Variants in PTCD1 observed in about 807,000 individuals in gnomAD.
The protein encoded by PTCD1 is pentatricopeptide repeat-containing protein 1, mitochondrial.
In PTCD1, 50 loss-of-function variants were observed where a neutral mutation model predicts 53.4. The observed-to-expected ratio is 0.94, with a 90% CI of 0.75 to 1.19. PTCD1 has a LOEUF of 1.19. Among genes scored for constraint, PTCD1 ranks in the 50% most tolerant of loss-of-function variants. PTCD1 has a pLI of 0.00. For missense variants in PTCD1, 918 were observed against 904.8 expected (o/e 1.01, Z -0.19); for synonymous variants, 413 against 394.8 (o/e 1.05, Z -0.55).
At chr7:99,431,418 G>A (rs1288907209) in intron 3 of PTCD1, among the ~76,000 whole-genome samples, 4 of 151,260 alleles carry the variant, frequency 2.6e-5, no homozygotes, top group East Asian at 4.0e-4. Flanking sequence ...GTGAGCCACC[G>A]CACCTGGCCA....
In PTCD1 at chr7:99,419,729, T is replaced by G; in HGVS notation, c.*238A>C. 1.4e-6 allele frequency: 1 copy of G among 719,952 alleles called. No homozygotes were observed. The highest frequency in any genetic ancestry group is 2.2e-6 in the Non-Finnish European group (1 of 444,986). 44.6% of individuals were successfully genotyped at this position (719,952 alleles called of 1,614,324 possible). On this transcript the variant is annotated 3_prime_UTR_variant, in exon 8 of 8. Coordinates refer to ENST00000292478, the MANE Select transcript of PTCD1 (RefSeq NM_015545.4). The stretch of plus-strand genomic sequence containing the variant: ...TGGTGTGTGAGGTGACACACAAAGG[T>G]AGCTGGAGCTGGAAGTCCCGTGAAG...
intron 5 of PTCD1, among the ~76,000 whole-genome samples, chr7:99,428,029 T>G (rs969281014): frequency 2.8e-4 from 42 of 151,092 alleles, no homozygotes; most frequent in Non-Finnish European, 5.3e-4. Context: ...GTTTATCTGC[T>G]GACCTTCCCT....
chr7:99,417,532 G>C lies in PTCD1; in HGVS notation c.*2435C>G, dbSNP rs1236109408. ...ACTTGTGCTGCCTGCGGTGCATTCA[G>C]ACACGGGACACCAACTTCGGGACGA... On this transcript the variant is annotated 3_prime_UTR_variant, in exon 8 of 8. Coordinates refer to ENST00000292478, the MANE Select transcript of PTCD1 (RefSeq NM_015545.4). The C allele has an allele frequency of 5.0e-6, 8 of 1,611,908 alleles. No individual in the cohort carries two copies. Among genetic ancestry groups the C allele is most frequent in the African/African-American group, 1.3e-5 (1 of 74,910 alleles).
intron 3 of PTCD1, among the ~76,000 whole-genome samples, chr7:99,432,333 C>T (rs1039682434): frequency 5.9e-5 from 9 of 152,150 alleles, no homozygotes; most frequent in Admixed American, 1.3e-4. Context: ...CTGAGATAGG[C>T]GAAAACCGCC....
At chr7:99,434,449 A>T (rs1308187683) in intron 2 of PTCD1, among the ~76,000 whole-genome samples, 2 of 151,790 alleles carry the variant, frequency 1.3e-5, no homozygotes, top group African/African-American at 2.4e-5. Context: ...ATCCTGTTAT[A>T]AAAAAAACCT....
chr7:99,434,707 G>A (rs1796391985), intron 2 of PTCD1, 83 bp downstream of exon 2: 1 of 1,574,618 alleles, frequency 6.4e-7, no homozygotes, highest in Non-Finnish European at 8.7e-7. Context: ...CTTAGAGGCT[G>A]GGAAAGTCAG....
chr7:99,425,526 C>A lies in PTCD1; in HGVS notation c.1006G>T (p.Asp336Tyr), dbSNP rs74957206. 5.1e-4 allele frequency: 827 copies of A among 1,612,524 alleles called. 2 individuals are homozygous for A. The African/African-American group carries it at 9.2e-3, about 18-fold the overall frequency. ...AGCAGCTCTGAGGCCACCTGGGGGT[C>A]CCCTAGGCCACAGTCCCGAGCTGCC... ...LVAARDCGLGDPQVASELLLK... is the reference protein window; with the variant it reads ...LVAARDCGLGYPQVASELLLK... The change falls in exon 6 of 8, where the codon GAC (aspartate) becomes TAC (tyrosine). Residue 336 changes from aspartate to tyrosine, a missense_variant. Physicochemically the swap from Asp to Tyr is radical, Grantham distance 160 (BLOSUM62 -3). Coordinates refer to ENST00000292478, the MANE Select transcript of PTCD1 (RefSeq NM_015545.4).
chr7:99,436,384 C>T (rs983244255), intron 1 of PTCD1, among the ~76,000 whole-genome samples: 3 of 152,094 alleles, frequency 2.0e-5, no homozygotes, highest in African/African-American at 7.2e-5. Flanking sequence ...CTTTGGGAGG[C>T]CAAGGTGGGT....
rs563070228 is a variant in PTCD1, at chr7:99,425,220, G to C, written c.1312C>G (p.Leu438Val). 1.2e-6 allele frequency: 2 copies of C among 1,612,140 alleles called. No individual in the cohort carries two copies. The highest frequency in any genetic ancestry group is 1.7e-6 in the Non-Finnish European group (2 of 1,178,534). ...AVALKPPPVE[L>V]EVNLLTPGAV... ...CCGGGGGTCAGGAGGTTGACTTCCAGCTCCACGGGAGGTGGCTTCAGGGCC... is the reference window on the plus strand; with the variant it reads ...CCGGGGGTCAGGAGGTTGACTTCCACCTCCACGGGAGGTGGCTTCAGGGCC... Residue 438 changes from leucine (L) to valine (V), a missense_variant, in exon 6 of 8, where the codon CTG becomes GTG. Physicochemically the swap from Leu to Val is conservative, Grantham distance 32. Coordinates refer to ENST00000292478, the MANE Select transcript of PTCD1 (RefSeq NM_015545.4).
chr7:99,429,043 C>T lies in PTCD1; in HGVS notation c.915+60G>A. On this transcript the variant is annotated intron_variant, in intron 5 of 7. Coordinates refer to ENST00000292478, the MANE Select transcript of PTCD1 (RefSeq NM_015545.4). ...GCCATCGTGGGTGCTCACAGGATCA[C>T]CATTTTGCACCTCTGGCACCGGGGA... is the stretch of plus-strand genomic sequence containing the variant. The T allele has an allele frequency of 3.1e-6, 5 of 1,595,964 alleles. No individual in the cohort carries two copies. The East Asian group carries it at 6.7e-5, about 21-fold the overall frequency.
chr7:99,421,121 G>GC (rs1562837718), intron 7 of PTCD1, among the ~76,000 whole-genome samples: 2 of 152,114 alleles, frequency 1.3e-5, no homozygotes, highest in South Asian at 2.1e-4. Flanking sequence ...GCAGGGTTCC[G>GC]CCCCCCAAAA....
intron 5 of PTCD1, among the ~76,000 whole-genome samples, chr7:99,428,130 G>A (rs1584460329): frequency 2.0e-5 from 3 of 151,764 alleles, no homozygotes; most frequent in East Asian, 1.9e-4. Context: ...GGCCGGGCGC[G>A]GTGGCTCACG....
chr7:99,433,128 C>T (rs538186957), intron 3 of PTCD1, 150 bp downstream of exon 3: 1 of 1,264,216 alleles, frequency 7.9e-7, no homozygotes, highest in Non-Finnish European at 1.1e-6. Flanking sequence ...TCTCGTTTAT[C>T]ACCCACAATC....
rs114565866 is a variant in PTCD1, at chr7:99,435,054, C to G, written c.189G>C (p.Thr63=). The change falls in exon 2 of 8, where the codon ACG becomes ACC. Residue 63 remains threonine (T), a synonymous_variant. Coordinates refer to ENST00000292478, the MANE Select transcript of PTCD1 (RefSeq NM_015545.4). Reference sequence around the variant, plus strand: ...GGCTCGGGTCAGAGCCCAGGCTGCCCGTGTTTTCCTGACGCTCCTGGCCGA... The same window carrying G: ...GGCTCGGGTCAGAGCCCAGGCTGCCGGTGTTTTCCTGACGCTCCTGGCCGA... ...LPLGQERQEN[T]GSLGSDPSHS... 2.4e-3 allele frequency: 3,830 copies of G among 1,612,770 alleles called. 68 individuals are homozygous for G. The African/African-American group carries it at 0.045, about 19-fold the overall frequency.
At chr7:99,434,507 CT>C (rs769483583) in intron 2 of PTCD1, among the ~76,000 whole-genome samples, 175 of 140,124 alleles carry the variant, frequency 1.2e-3, no homozygotes, top group Middle Eastern at 3.7e-3. Context: ...TTTCTTTTTC[CT>C]TTTTTTTTTT....
Position 99,425,182 on chromosome 7 carries a change from AG to A in PTCD1, c.1349del (p.Pro450LeufsTer9). The A allele has an allele frequency of 6.2e-7, 1 of 1,613,404 alleles. No individual in the cohort carries two copies. The highest frequency in any genetic ancestry group is 8.5e-7 in the Non-Finnish European group (1 of 1,179,440). ...TCACCGTTCCAAAGGAGACCACTGT[AG>A]GGGGAACGGCCCCGGGGGTCAGGAG... is the stretch of plus-strand genomic sequence containing the variant. Reference protein sequence around the residue: ...VNLLTPGAVPPTVVSFGTVTT... With the variant: ...VNLLTPGAVPXTVVSFGTVTT... On this transcript the variant is annotated frameshift_variant, in exon 6 of 8. Coordinates refer to ENST00000292478, the MANE Select transcript of PTCD1 (RefSeq NM_015545.4). LOFTEE classifies it high-confidence loss of function.
Position 99,417,035 on chromosome 7 carries a change from C to G in PTCD1, c.*2932G>C, listed in dbSNP as rs191109317. On this transcript the variant is annotated 3_prime_UTR_variant, in exon 8 of 8. Transcript: ENST00000292478. ...GTACTTTTTTTTTTTGTTCCTCCTCCAAGGACTGTCCCGTTGCAATACTGA... is the reference window on the plus strand; with the variant it reads ...GTACTTTTTTTTTTTGTTCCTCCTCGAAGGACTGTCCCGTTGCAATACTGA... 5.3e-6 allele frequency: 1 copy of G among 189,032 alleles called. No individual in the cohort carries two copies. Among genetic ancestry groups the G allele is most frequent in the Admixed American group, 5.5e-5 (1 of 18,322 alleles). 11.7% of individuals were successfully genotyped at this position (189,032 alleles called of 1,614,324 possible).
At position 99,438,686 on chromosome 7, in the gene PTCD1, A is replaced by G. The variant is rs1796604279; in HGVS notation, c.-27+6T>C. ...GGGCTCCTGCGAGGATCACACAGGA[A>G]CTCACTTGAAGTGTCCGGCGCAGTG... On this transcript the variant is annotated splice_donor_region_variant and intron_variant, in intron 1 of 7. Coordinates refer to ENST00000292478, the MANE Select transcript of PTCD1 (RefSeq NM_015545.4). The G allele has an allele frequency of 7.9e-7, 1 of 1,268,960 alleles. No homozygotes were observed. The highest frequency in any genetic ancestry group is 1.6e-5 in the African/African-American group (1 of 63,814). The allele number at this position is 1,268,960 out of a possible 1,614,324, so 78.6% of individuals were successfully genotyped here.
intron 2 of PTCD1, among the ~76,000 whole-genome samples, chr7:99,433,907 C>CTGGG (rs2150960171): frequency 6.6e-6 from 1 of 151,782 alleles, no homozygotes; most frequent in Admixed American, 6.6e-5. Flanking sequence ...CAAAAATTAG[C>CTGGG]CAGGCATGGT....
Sources: gnomAD v4.1 joint callset for allele counts (sites outside exome capture counted in the v4.1 genomes callset) on GRCh38, gnomAD v4.1.1 for gene constraint, MANE v1.5 for transcripts, NCBI Gene and HGNC (gene_info 2026-07-23, HGNC 2026-07-21) for gene names.